DOCK2: variants seen among roughly 807,000 people sequenced by gnomAD.
DOCK2 encodes the protein dedicator of cytokinesis protein 2.
A neutral mutation model predicts 248.9 loss-of-function variants in DOCK2; 87 were observed. The observed-to-expected ratio is 0.35, with a 90% CI of 0.29 to 0.42. The LOEUF is 0.42. Among genes scored for constraint, DOCK2 ranks in the 10% least tolerant of loss-of-function variants. The pLI is 1.00. For missense variants in DOCK2, 1,747 were observed against 2,300.2 expected (o/e 0.76, Z 4.92); for synonymous variants, 805 against 821.6 (o/e 0.98, Z 0.35).
At chr5:169,807,176 G>A (rs1344937624) in intron 26 of DOCK2, among the ~76,000 whole-genome samples, 1 of 152,084 alleles carries the variant, frequency 6.6e-6, no homozygotes, top group African/African-American at 2.4e-5. Context: ...GGGTGGGTGG[G>A]GCACTGCAAT....
At chr5:169,933,732 C>T (rs1384056010) in intron 27 of DOCK2, among the ~76,000 whole-genome samples, 1 of 152,074 alleles carries the variant, frequency 6.6e-6, no homozygotes, top group Admixed American at 6.6e-5. Flanking sequence ...GGTCAGACAC[C>T]CACTTCTCAG....
chr5:169,894,476 A>C (rs1773477669), intron 27 of DOCK2, among the ~76,000 whole-genome samples: 2 of 152,180 alleles, frequency 1.3e-5, no homozygotes. Flanking sequence ...ACCCTGGTAC[A>C]GCAAAGCATT....
At chr5:169,814,212 C>T in intron 26 of DOCK2, among the ~76,000 whole-genome samples, 1 of 152,168 alleles carries the variant, frequency 6.6e-6, no homozygotes, top group Non-Finnish European at 1.5e-5. Context: ...AGGGAAACCA[C>T]CAGCAGGGAA....
intron 2 of DOCK2, among the ~76,000 whole-genome samples, chr5:169,661,571 A>G (rs59400215): frequency 0.011 from 1,732 of 152,200 alleles, 32 homozygotes; most frequent in African/African-American, 0.038. Context: ...TTCTTCCTAC[A>G]TATCTGTTAC....
At chr5:170,066,186 G>C (rs767924387) in intron 44 of DOCK2, among the ~76,000 whole-genome samples, 1 of 151,946 alleles carries the variant, frequency 6.6e-6, no homozygotes, top group Non-Finnish European at 1.5e-5. Context: ...TCCTGACCTC[G>C]TGATCTGCCC....
In DOCK2 at chr5:169,665,410, G is replaced by A. The variant is rs1432464055; in HGVS notation, c.128-3878G>A. On this transcript the variant is annotated intron_variant, in intron 2 of 51. Transcript: ENST00000520908. ...TATGGTAGTGGGAGAACTTATATAT[G>A]TGTGTGTATATTTATATGTATATAC... Among the ~76,000 whole-genome samples the A allele has an allele frequency of 2.7e-5, 4 of 149,620 alleles. No individual in the cohort carries two copies. The East Asian group carries it at 5.8e-4, about 22-fold the overall frequency.
intron 26 of DOCK2, among the ~76,000 whole-genome samples, chr5:169,819,344 G>A (rs1464839118): frequency 6.6e-6 from 1 of 152,052 alleles, no homozygotes; most frequent in Non-Finnish European, 1.5e-5. Flanking sequence ...TCCTTTGCTG[G>A]CCAGAGTGGC....
rs535001899 is a variant in DOCK2, at chr5:169,676,261, C to G, written c.470+1816C>G. Among the ~76,000 whole-genome samples the G allele has an allele frequency of 2.2e-4, 33 of 152,176 alleles. 2 individuals carry two copies. The South Asian group carries it at 6.6e-3, about 31-fold the overall frequency. On this transcript the variant is annotated intron_variant, in intron 6 of 51. Coordinates refer to ENST00000520908, the MANE Select transcript of DOCK2 (RefSeq NM_004946.3). ...TGGCTTCCCTCCTATTGTGGAAGAT[C>G]CTATAGATGTTGACTGTCTAAAGCA...
At chr5:169,740,800 G>T (rs544484013) in intron 22 of DOCK2, among the ~76,000 whole-genome samples, 2 of 152,126 alleles carry the variant, frequency 1.3e-5, no homozygotes, top group South Asian at 2.1e-4. Flanking sequence ...TTACCCTTTA[G>T]AGGAGAATTT....
At chr5:169,683,696 C>T (rs1372441965) in intron 7 of DOCK2, among the ~76,000 whole-genome samples, 1 of 152,146 alleles carries the variant, frequency 6.6e-6, no homozygotes, top group Non-Finnish European at 1.5e-5. Context: ...TTGAGTATCT[C>T]TTTATGTGCT....
intron 25 of DOCK2, among the ~76,000 whole-genome samples, chr5:169,777,412 A>G (rs1321055268): frequency 6.6e-6 from 1 of 152,210 alleles, no homozygotes; most frequent in African/African-American, 2.4e-5. Context: ...CAGCCAAAGT[A>G]GATTTGCTGA....
chr5:169,647,465 C>T (rs914848550), intron 1 of DOCK2, among the ~76,000 whole-genome samples: 1 of 152,100 alleles, frequency 6.6e-6, no homozygotes, highest in African/African-American at 2.4e-5. Flanking sequence ...CCCATCTTGC[C>T]TTTATCTTCC....
At chr5:169,899,051 C>T (rs942396055) in intron 27 of DOCK2, among the ~76,000 whole-genome samples, 2 of 152,118 alleles carry the variant, frequency 1.3e-5, no homozygotes, top group East Asian at 3.9e-4. Flanking sequence ...GACTTGGCTT[C>T]CTAATACATA....
intron 8 of DOCK2, among the ~76,000 whole-genome samples, chr5:169,685,931 A>G (rs191259577): frequency 1.2e-4 from 18 of 152,330 alleles, no homozygotes; most frequent in Admixed American, 1.1e-3. Flanking sequence ...GTCACCAAGG[A>G]ATGAGTTGTG....
rs1187607836 is a variant in DOCK2, at chr5:169,806,873, G to GC, written c.2703+3674dup. Among the ~76,000 whole-genome samples, 11 of 30,862 alleles carry GC rather than the reference G, an allele frequency of 3.6e-4. No individual in the cohort carries two copies. The East Asian group carries it at 9.0e-3, about 25-fold the overall frequency. 20.2% of individuals were successfully genotyped at this position (30,862 alleles called of 152,430 possible). On this transcript the variant is annotated intron_variant, in intron 26 of 51. Coordinates refer to ENST00000520908, the MANE Select transcript of DOCK2 (RefSeq NM_004946.3). ...CACCTCCACCCCCCACCATCCCCCC[G>GC]CCCCCCCACTGAAAGCCGTTTTCAC...
At chr5:169,899,509 AAT>A (rs1773799513) in intron 27 of DOCK2, among the ~76,000 whole-genome samples, 1 of 152,188 alleles carries the variant, frequency 6.6e-6, no homozygotes, top group Non-Finnish European at 1.5e-5. Flanking sequence ...GCTTGCCTCA[AAT>A]GGACTTGAGG....
chr5:169,714,486 C>A, intron 19 of DOCK2, 29 bp downstream of exon 19: 1 of 1,611,090 alleles, frequency 6.2e-7, no homozygotes, highest in Non-Finnish European at 8.5e-7. Flanking sequence ...TGATTGTATT[C>A]TTACACTAGT....
chr5:169,700,036 G>T lies in DOCK2; in HGVS notation c.1155G>T (p.Met385Ile). ...GGQGLWVTMK[M>I]LVGDIIQIRK... ...CAGGCCTCTGGGTGACCATGAAGAT[G>T]CTGGTGGGTGACATCATTCAGATTC... Residue 385 changes from methionine (M) to isoleucine (I), a missense_variant, in exon 13 of 52, where the codon ATG (methionine) becomes ATT (isoleucine). Coordinates refer to ENST00000520908, the MANE Select transcript of DOCK2 (RefSeq NM_004946.3). 6.2e-7 allele frequency: 1 copy of T among 1,613,952 alleles called. No individual in the cohort carries two copies. The highest frequency in any genetic ancestry group is 1.1e-5 in the South Asian group (1 of 91,074).
chr5:170,014,638 G>GC (rs1561881300), intron 32 of DOCK2, among the ~76,000 whole-genome samples: 20 of 128,882 alleles, frequency 1.6e-4, no homozygotes, highest in African/African-American at 5.6e-4. Flanking sequence ...GACATGTGTT[G>GC]GGGGGGGTAG....
Sources: allele counts gnomAD v4.1 joint callset (sites outside exome capture counted in the v4.1 genomes callset), GRCh38; gene constraint gnomAD v4.1.1; transcripts MANE v1.5; gene names NCBI Gene and HGNC (gene_info 2026-07-23, HGNC 2026-07-21).